The following TASP1 variants were observed in gnomAD, a reference collection of about 807,000 sequenced individuals.
The protein encoded by TASP1 is threonine aspartase 1.
TASP1 carries 16 observed loss-of-function variants against 56.6 expected under a neutral mutation model. The observed-to-expected ratio is 0.28, with a 90% CI of 0.19 to 0.43. The LOEUF (loss-of-function observed/expected upper bound fraction) is 0.43, where lower values mean the gene tolerates loss of function less well. TASP1 is among the 20% of genes least tolerant of loss of function. The probability of loss-of-function intolerance (pLI) is 1.00; values close to 1 mark genes in which losing one functional copy is unlikely to be tolerated. For missense variants in TASP1, 393 were observed against 511.6 expected, an observed-to-expected ratio of 0.77 and a Z score of 2.24; for synonymous variants, 179 against 184.2, an observed-to-expected ratio of 0.97 and a Z score of 0.23.
chr20:13,129,614 C>T, the TASP1 span, among the ~76,000 whole-genome samples: 2 of 152,174 alleles, frequency 1.3e-5, no homozygotes, highest in African/African-American at 2.4e-5. Context: ...CACTCATTTC[C>T]GGAGTCCTTT....
At chr20:13,120,359 TA>T in the TASP1 span, among the ~76,000 whole-genome samples, 2 of 152,080 alleles carry the variant, frequency 1.3e-5, no homozygotes, top group African/African-American at 4.8e-5. Flanking sequence ...AAATTGAACA[TA>T]AAAAAAGTTA....
chr20:13,605,421 T>A (rs913990738), intron 4 of TASP1, among the ~76,000 whole-genome samples: 5 of 152,170 alleles, frequency 3.3e-5, no homozygotes, highest in Non-Finnish European at 7.4e-5. Context: ...CCCTTATAAA[T>A]AATAAAATCA....
At chr20:13,403,298 C>T (rs1012946047) in intron 13 of TASP1, among the ~76,000 whole-genome samples, 8 of 152,136 alleles carry the variant, frequency 5.3e-5, no homozygotes, top group East Asian at 1.9e-4. Flanking sequence ...CAAAGGAGCA[C>T]GGTGAAAATT....
At chr20:13,475,420 G>C (rs999781145) in intron 11 of TASP1, among the ~76,000 whole-genome samples, 1 of 152,130 alleles carries the variant, frequency 6.6e-6, no homozygotes, top group Non-Finnish European at 1.5e-5. Flanking sequence ...TCTTGTGCAT[G>C]TCATCTGGTA....
At chr20:13,292,895 C>T in the TASP1 span, among the ~76,000 whole-genome samples, 1 of 151,996 alleles carries the variant, frequency 6.6e-6, no homozygotes. Context: ...CCATCCCCTG[C>T]AAAAATTTTT....
chr20:13,343,212 A>C, the TASP1 span, among the ~76,000 whole-genome samples: 1 of 152,218 alleles, frequency 6.6e-6, no homozygotes, highest in African/African-American at 2.4e-5. Flanking sequence ...AAGGTATTAA[A>C]TGAGGTCCGG....
At chr20:13,404,346 T>A (rs1313814402) in intron 13 of TASP1, among the ~76,000 whole-genome samples, 2 of 152,236 alleles carry the variant, frequency 1.3e-5, no homozygotes, top group African/African-American at 4.8e-5. Flanking sequence ...CTCACACTTG[T>A]AATCTCAGTG....
At chr20:13,233,595 CAAAAA>C in the TASP1 span, among the ~76,000 whole-genome samples, 1 of 63,728 alleles carries the variant, frequency 1.6e-5, no homozygotes. Flanking sequence ...AACTCCATCT[CAAAAA>C]AAAAAAAAAA....
chr20:13,580,866 C>T, intron 6 of TASP1, 31 bp downstream of exon 6: 6 of 1,609,568 alleles, frequency 3.7e-6, no homozygotes, highest in Non-Finnish European at 5.1e-6. Flanking sequence ...GCACTAAAGA[C>T]AGGGAAAGTC....
At chr20:13,267,506 G>A in the TASP1 span, among the ~76,000 whole-genome samples, 1 of 152,124 alleles carries the variant, frequency 6.6e-6, no homozygotes, top group South Asian at 2.1e-4. Flanking sequence ...GACTAATCCT[G>A]CGGGGAGGGT....
the TASP1 span, among the ~76,000 whole-genome samples, chr20:13,228,199 T>G: frequency 5.9e-5 from 9 of 152,056 alleles, no homozygotes; most frequent in Non-Finnish European, 1.3e-4. Flanking sequence ...TCTCGAACTC[T>G]TCATCTCAGG....
At chr20:13,563,451 A>G (rs2046416295) in intron 7 of TASP1, among the ~76,000 whole-genome samples, 1 of 152,158 alleles carries the variant, frequency 6.6e-6, no homozygotes. Flanking sequence ...AAAACCATAC[A>G]AAGACACCAT....
chr20:13,196,547 G>A, the TASP1 span, among the ~76,000 whole-genome samples: 6 of 152,184 alleles, frequency 3.9e-5, no homozygotes, highest in East Asian at 1.9e-4. Flanking sequence ...CATAGTAGCC[G>A]CCAGCCACAT....
At chr20:13,376,670 G>A in the TASP1 span, among the ~76,000 whole-genome samples, 4 of 152,178 alleles carry the variant, frequency 2.6e-5, no homozygotes, top group African/African-American at 9.7e-5. Flanking sequence ...ACTTTGGGCA[G>A]TATGACCATT....
the TASP1 span, among the ~76,000 whole-genome samples, chr20:13,214,750 C>A: frequency 6.6e-6 from 1 of 152,126 alleles, no homozygotes; most frequent in Non-Finnish European, 1.5e-5. Flanking sequence ...TGTAAAAAGC[C>A]TGGAGACAAT....
intron 8 of TASP1, 105 bp downstream of exon 8, chr20:13,558,903 C>T (rs1172612692): frequency 5.0e-6 from 3 of 604,990 alleles, no homozygotes; most frequent in African/African-American, 1.9e-5. Flanking sequence ...ACATATGTGA[C>T]ACACATTCTA....
chr20:13,533,362 A>G lies in TASP1; in HGVS notation c.795+660T>C, dbSNP rs139625027. On this transcript the variant is annotated intron_variant, in intron 9 of 13. Transcript: ENST00000337743. ...GATTTATCCTCAGAAAGCTTCCTAGATCAAATAGATTGTTAAATTTCATTC... is the reference window on the plus strand; with the variant it reads ...GATTTATCCTCAGAAAGCTTCCTAGGTCAAATAGATTGTTAAATTTCATTC... Among the ~76,000 whole-genome samples, 350 of 152,298 alleles carry G rather than the reference A, an allele frequency of 2.3e-3. 2 individuals carry two copies. Among genetic ancestry groups the G allele is most frequent in the African/African-American group, 7.8e-3 (322 of 41,546 alleles).
chr20:13,381,795 C>T, the TASP1 span, among the ~76,000 whole-genome samples: 13 of 152,140 alleles, frequency 8.5e-5, no homozygotes, highest in African/African-American at 2.4e-4. Flanking sequence ...CTGGGCAGGG[C>T]GGTAGCCTCT....
chr20:13,442,401 C>T lies in TASP1; in HGVS notation c.986-7247G>A, dbSNP rs185099930. Among the ~76,000 whole-genome samples, 161 of 152,040 alleles carry T rather than the reference C, an allele frequency of 1.1e-3. 4 individuals carry two copies. The highest frequency in any genetic ancestry group is 1.2e-3 in the Non-Finnish European group (80 of 67,978). On this transcript the variant is annotated intron_variant, in intron 11 of 13. Transcript: ENST00000337743. ...GAATGATCCCAGCACTTTGGGAGGC[C>T]AAGGTGGGTGGATCACAATGTCAGG... is the stretch of plus-strand genomic sequence containing the variant.
Sources: gnomAD v4.1 joint callset for allele counts (sites outside exome capture counted in the v4.1 genomes callset) on GRCh38, gnomAD v4.1.1 for gene constraint, MANE v1.5 for transcripts, NCBI Gene and HGNC (gene_info 2026-07-23, HGNC 2026-07-21) for gene names.